The following SORCS1 variants were observed in gnomAD, a reference collection of about 807,000 sequenced individuals.
SORCS1 encodes sortilin related VPS10 domain containing receptor 1.
A neutral mutation model predicts 146.1 loss-of-function variants in SORCS1; 60 were observed. The observed-to-expected ratio is 0.41, with a 90% confidence interval of 0.33 to 0.51. SORCS1 has a LOEUF of 0.51. SORCS1 is among the 20% of genes least tolerant of loss of function. SORCS1 has a pLI of 0.21. For missense variants in SORCS1, 1,352 were observed against 1,487.6 expected (o/e 0.91, Z 1.50); for synonymous variants, 637 against 584.0 (o/e 1.09, Z -1.31).
intron 5 of SORCS1, among the ~76,000 whole-genome samples, chr10:106,730,862 C>T (rs765592881): frequency 6.6e-6 from 1 of 152,134 alleles, no homozygotes; most frequent in African/African-American, 2.4e-5. Flanking sequence ...TTGGGAACAT[C>T]TGCACTTTTT....
intron 9 of SORCS1, among the ~76,000 whole-genome samples, chr10:106,690,007 C>T (rs1853175772): frequency 6.6e-6 from 1 of 152,198 alleles, no homozygotes; most frequent in Non-Finnish European, 1.5e-5. Flanking sequence ...CTATCATACT[C>T]AGGAAACAAG....
Position 106,629,371 on chromosome 10 carries a change from T to C in SORCS1, c.2493A>G (p.Thr831=). 2 of 1,614,034 alleles carry C rather than the reference T, an allele frequency of 1.2e-6. No homozygotes were observed. Among genetic ancestry groups the C allele is most frequent in the South Asian group, 1.1e-5 (1 of 91,060 alleles). Residue 831 remains threonine, a synonymous_variant, in exon 19 of 26, where the codon ACA becomes ACG. Transcript: ENST00000263054. The part of the protein sequence containing the change: ...VQLEEGDVQR[T]LIQVDFGDGI... ...CATCGCCAAAGTCCACTTGGATGAG[T>C]GTCCGCTGAACATCACCCTGAAAAA...
At chr10:106,928,013 T>C (rs11193117) in intron 2 of SORCS1, among the ~76,000 whole-genome samples, 83,574 of 152,166 alleles carry the variant, frequency 0.55, 24,013 homozygotes, top group Non-Finnish European at 0.63. Flanking sequence ...CTGCAAGTCC[T>C]CACCAGACTC....
At chr10:107,178,483 A>G in the SORCS1 span, among the ~76,000 whole-genome samples, 430 of 149,632 alleles carry the variant, frequency 2.9e-3, 4 homozygotes, top group African/African-American at 0.01. Context: ...CTTTAAAATT[A>G]TTTTATATAT....
intron 19 of SORCS1, among the ~76,000 whole-genome samples, chr10:106,625,079 G>T (rs1266480610): frequency 6.6e-6 from 1 of 152,192 alleles, no homozygotes; most frequent in East Asian, 1.9e-4. Context: ...AATCTTCCTG[G>T]AAAGGTGGTT....
At chr10:107,162,549 TCA>T (rs945934575) in intron 1 of SORCS1, among the ~76,000 whole-genome samples, 1 of 152,190 alleles carries the variant, frequency 6.6e-6, no homozygotes, top group Non-Finnish European at 1.5e-5. Context: ...CCATATAAAA[TCA>T]CAGACTCTGT....
At chr10:106,709,425 T>C (rs1398362834) in intron 6 of SORCS1, 84 bp from the exon 7 acceptor site, 1 of 705,630 alleles carries the variant, frequency 1.4e-6, no homozygotes, top group Non-Finnish European at 2.3e-6. Flanking sequence ...ACGTTTGATA[T>C]TTCCCTTACC....
chr10:107,031,595 A>C (rs1958658980), intron 1 of SORCS1, among the ~76,000 whole-genome samples: 2 of 150,106 alleles, frequency 1.3e-5, no homozygotes, highest in Admixed American at 1.3e-4. Context: ...ACCAATTTGT[A>C]TCTCTCTTTT....
chr10:107,048,397 TC>T (rs1446617580), intron 1 of SORCS1, among the ~76,000 whole-genome samples: 1 of 152,178 alleles, frequency 6.6e-6, no homozygotes, highest in Non-Finnish European at 1.5e-5. Flanking sequence ...TTCTTCATGG[TC>T]CTTAACACTA....
At chr10:106,826,310 A>G (rs1193521367) in intron 3 of SORCS1, among the ~76,000 whole-genome samples, 1 of 152,260 alleles carries the variant, frequency 6.6e-6, no homozygotes, top group Non-Finnish European at 1.5e-5. Flanking sequence ...ATCTGGTACA[A>G]AAGATTTTGA....
Position 106,647,007 on chromosome 10 carries a change from G to GTA in SORCS1, c.2475+5373_2475+5374dup, listed in dbSNP as rs57891596. ...TGTATATATATGTGTGTTTGTATGT[G>GTA]TATATATATATATATATATATATAT... On this transcript the variant is annotated intron_variant, in intron 18 of 25. Transcript: ENST00000263054. Among the ~76,000 whole-genome samples the GTA allele has an allele frequency of 9.6e-3, 1,288 of 133,992 alleles. 21 individuals are homozygous for GTA. Among genetic ancestry groups the GTA allele is most frequent in the African/African-American group, 0.033 (1,191 of 36,466 alleles). The allele number at this position is 133,992 out of a possible 152,430, so 87.9% of individuals were successfully genotyped here.
At chr10:106,959,727 G>A (rs535089688) in intron 1 of SORCS1, among the ~76,000 whole-genome samples, 1 of 152,258 alleles carries the variant, frequency 6.6e-6, no homozygotes, top group Non-Finnish European at 1.5e-5. Context: ...TGCTCAGTCT[G>A]GTCTCAACTT....
chr10:106,861,968 G>A (rs551472351), intron 2 of SORCS1, among the ~76,000 whole-genome samples: 9 of 152,302 alleles, frequency 5.9e-5, no homozygotes, highest in African/African-American at 1.7e-4. Flanking sequence ...CACCATAGAT[G>A]ATGAGATTTT....
intron 5 of SORCS1, among the ~76,000 whole-genome samples, chr10:106,734,268 T>A (rs192539998): frequency 5.3e-4 from 80 of 152,298 alleles, no homozygotes; most frequent in East Asian, 1.9e-4. Context: ...TCCTGGTGTC[T>A]GCCTGGGATC....
At chr10:106,810,883 G>A (rs966156307) in intron 3 of SORCS1, among the ~76,000 whole-genome samples, 5 of 151,738 alleles carry the variant, frequency 3.3e-5, no homozygotes, top group African/African-American at 1.2e-4. Flanking sequence ...CTTTCTAGGA[G>A]AGAAATCATG....
intron 3 of SORCS1, among the ~76,000 whole-genome samples, chr10:106,813,132 T>TTC (rs1947558793): frequency 7.2e-6 from 1 of 139,760 alleles, no homozygotes; most frequent in African/African-American, 2.7e-5. Flanking sequence ...TCTTTTCTTT[T>TTC]TTTTTTTTTT....
intron 24 of SORCS1, among the ~76,000 whole-genome samples, chr10:106,584,671 C>T (rs1401614754): frequency 1.3e-5 from 2 of 152,322 alleles, no homozygotes; most frequent in African/African-American, 4.8e-5. Flanking sequence ...TGGTCTAGTG[C>T]TAACTGATTA....
chr10:106,655,176 A>T lies in SORCS1; in HGVS notation c.2304-2623T>A, dbSNP rs58883484. On this transcript the variant is annotated intron_variant, in intron 17 of 25. Transcript: ENST00000263054. The stretch of plus-strand genomic sequence containing the variant: ...GGCCTCATCTGATATTTATTTTTTT[A>T]AAAATCCTTTGTAGTTGCTTTTAAG... Among the ~76,000 whole-genome samples, 975 of 152,236 alleles carry T rather than the reference A, an allele frequency of 6.4e-3. 15 individuals carry two copies. The highest frequency in any genetic ancestry group is 0.022 in the African/African-American group (917 of 41,514).
At chr10:106,890,090 A>G (rs544894610) in intron 2 of SORCS1, among the ~76,000 whole-genome samples, 1 of 152,230 alleles carries the variant, frequency 6.6e-6, no homozygotes, top group East Asian at 1.9e-4. Flanking sequence ...CAAACATAGT[A>G]AAGTTACCGG....
Sources: allele counts gnomAD v4.1 joint callset (sites outside exome capture counted in the v4.1 genomes callset), GRCh38; gene constraint gnomAD v4.1.1; transcripts MANE v1.5; gene names NCBI Gene and HGNC (gene_info 2026-07-23, HGNC 2026-07-21).